CNTNAP2: variants seen among roughly 807,000 people sequenced by gnomAD.
CNTNAP2 encodes contactin-associated protein-like 2.
CNTNAP2 carries 98 observed loss-of-function variants against 155.2 expected under a neutral mutation model. The ratio of observed to expected loss-of-function variants is 0.63; its 90% CI spans 0.54 to 0.75. The LOEUF (loss-of-function observed/expected upper bound fraction) is 0.75. Ranked by LOEUF, CNTNAP2 falls within the 30% of genes least tolerant of loss-of-function variation. CNTNAP2 has a pLI of 0.00. For missense variants in CNTNAP2, 1,727 were observed against 1,688.1 expected (o/e 1.02, Z -0.40); for synonymous variants, 651 against 631.2 (o/e 1.03, Z -0.47).
rs562880873 is a variant in CNTNAP2 at position 147,922,838 on chromosome 7, A to G, written c.2255+19117A>G. ...TTGTTAGTAAAGAGAGGATGCAAAA[A>G]TCAGTTTGTTTGTTGTCATTTATTT... On this transcript the variant is annotated intron_variant, in intron 14 of 23. Transcript: ENST00000361727. Among the ~76,000 whole-genome samples, 15 of 152,314 alleles carry G rather than the reference A, an allele frequency of 9.8e-5. 1 individual carries two copies. In the South Asian group the frequency reaches 2.9e-3, roughly 29 times the overall value.
intron 1 of CNTNAP2, among the ~76,000 whole-genome samples, chr7:146,306,766 T>G (rs1800720270): frequency 6.6e-6 from 1 of 152,170 alleles, no homozygotes; most frequent in Admixed American, 6.5e-5. Flanking sequence ...GAAAGGCCTT[T>G]GACAAAATGC....
chr7:147,907,916 C>T (rs913890660), intron 14 of CNTNAP2, among the ~76,000 whole-genome samples: 2 of 151,462 alleles, frequency 1.3e-5, no homozygotes, highest in African/African-American at 2.4e-5. Flanking sequence ...ATTACAGGCA[C>T]GCATCACCAT....
intron 1 of CNTNAP2, among the ~76,000 whole-genome samples, chr7:146,533,286 G>T (rs1232487860): frequency 2.0e-5 from 3 of 151,964 alleles, no homozygotes; most frequent in Non-Finnish European, 4.4e-5. Flanking sequence ...CTCAAACATT[G>T]TATATGCCCA....
At chr7:147,103,208 A>G (rs1800690501) in intron 4 of CNTNAP2, among the ~76,000 whole-genome samples, 2 of 152,184 alleles carry the variant, frequency 1.3e-5, no homozygotes, top group African/African-American at 2.4e-5. Context: ...AGAATGGAAC[A>G]AAACTAAGTC....
At chr7:148,406,717 T>C (rs747751378) in intron 22 of CNTNAP2, among the ~76,000 whole-genome samples, 14 of 152,364 alleles carry the variant, frequency 9.2e-5, no homozygotes, top group Non-Finnish European at 1.9e-4. Context: ...GCAGTAACGG[T>C]GCAAGTTTTC....
At chr7:146,184,334 A>T (rs1420520563) in intron 1 of CNTNAP2, among the ~76,000 whole-genome samples, 1 of 152,186 alleles carries the variant, frequency 6.6e-6, no homozygotes, top group Non-Finnish European at 1.5e-5. Context: ...TTCCAAAATA[A>T]CCGAAATGGC....
At chr7:147,812,592 C>G (rs974921225) in intron 13 of CNTNAP2, among the ~76,000 whole-genome samples, 39 of 152,070 alleles carry the variant, frequency 2.6e-4, no homozygotes, top group African/African-American at 9.2e-4. Flanking sequence ...GCCCCCTCCC[C>G]ACCCTATCCG....
intron 3 of CNTNAP2, among the ~76,000 whole-genome samples, chr7:147,026,446 C>A (rs557210659): frequency 1.3e-5 from 2 of 151,980 alleles, no homozygotes; most frequent in Admixed American, 1.3e-4. Flanking sequence ...CTTTTTCCAT[C>A]GATTTAATTT....
At chr7:146,224,575 G>C (rs906147323) in intron 1 of CNTNAP2, among the ~76,000 whole-genome samples, 1 of 112,276 alleles carries the variant, frequency 8.9e-6, no homozygotes, top group Non-Finnish European at 1.8e-5. Flanking sequence ...GGGAAACCCC[G>C]TCTCTACAAA....
chr7:146,756,118 C>T lies in CNTNAP2; in HGVS notation c.98-18153C>T, dbSNP rs187322289. Among the ~76,000 whole-genome samples the T allele has an allele frequency of 3.0e-3, 463 of 151,808 alleles. 2 individuals are homozygous for T. The highest frequency in any genetic ancestry group is 0.011 in the African/African-American group (442 of 41,434). On this transcript the variant is annotated intron_variant, in intron 1 of 23. Coordinates refer to ENST00000361727, the MANE Select transcript of CNTNAP2 (RefSeq NM_014141.6). ...GAAAAAATAATATTTTGATCTACTC[C>T]GTTGGTTTACATGAATGCCTGCAAA...
At chr7:146,951,262 A>C (rs1055250121) in intron 3 of CNTNAP2, among the ~76,000 whole-genome samples, 3 of 151,998 alleles carry the variant, frequency 2.0e-5, no homozygotes, top group African/African-American at 7.2e-5. Flanking sequence ...CACTCTGATG[A>C]TAGTTTATTT....
At chr7:147,664,602 G>A (rs760545861) in intron 13 of CNTNAP2, among the ~76,000 whole-genome samples, 9 of 152,264 alleles carry the variant, frequency 5.9e-5, no homozygotes, top group Middle Eastern at 6.8e-3. Context: ...AGATGTTATT[G>A]TTGTTGTTCT....
At chr7:146,197,833 C>T (rs886078702) in intron 1 of CNTNAP2, among the ~76,000 whole-genome samples, 1 of 152,040 alleles carries the variant, frequency 6.6e-6, no homozygotes, top group Non-Finnish European at 1.5e-5. Context: ...CCCATTTTCA[C>T]ACTGCTATAA....
intron 1 of CNTNAP2, among the ~76,000 whole-genome samples, chr7:146,409,622 T>C (rs373153394): frequency 6.6e-6 from 1 of 152,142 alleles, no homozygotes; most frequent in Non-Finnish European, 1.5e-5. Flanking sequence ...AATATTTATA[T>C]GTTAAATTTG....
intron 15 of CNTNAP2, among the ~76,000 whole-genome samples, chr7:148,068,341 C>T (rs546531437): frequency 6.6e-6 from 1 of 152,300 alleles, no homozygotes; most frequent in East Asian, 1.9e-4. Context: ...CCAGGAATGC[C>T]TACAGGGCTC....
intron 15 of CNTNAP2, among the ~76,000 whole-genome samples, chr7:148,115,659 A>C (rs1804451496): frequency 6.6e-6 from 1 of 152,218 alleles, no homozygotes; most frequent in African/African-American, 2.4e-5. Context: ...CTGTGTAGTA[A>C]GGCAGATGTT....
chr7:146,643,230 T>C (rs949385028), intron 1 of CNTNAP2, among the ~76,000 whole-genome samples: 5 of 149,800 alleles, frequency 3.3e-5, no homozygotes, highest in African/African-American at 4.9e-5. Flanking sequence ...ATGAAGTCCT[T>C]GCCCATGCCT....
chr7:146,567,806 C>T (rs1363556609), intron 1 of CNTNAP2, among the ~76,000 whole-genome samples: 2 of 152,060 alleles, frequency 1.3e-5, no homozygotes, highest in Non-Finnish European at 2.9e-5. Flanking sequence ...CTGCAAGCTC[C>T]GCCTCCCGGG....
intron 3 of CNTNAP2, among the ~76,000 whole-genome samples, chr7:146,856,665 A>C (rs2129204293): frequency 6.6e-6 from 1 of 152,336 alleles, no homozygotes. Context: ...AATAAAAATT[A>C]CAGATGAGAA....
Sources: allele counts gnomAD v4.1 joint callset (sites outside exome capture counted in the v4.1 genomes callset), GRCh38; gene constraint gnomAD v4.1.1; transcripts MANE v1.5; gene names NCBI Gene and HGNC (gene_info 2026-07-23, HGNC 2026-07-21).